The following EDARADD variants were observed in gnomAD, a reference collection of about 807,000 sequenced individuals.
EDARADD encodes EDAR associated via death domain.
A neutral mutation model predicts 25.6 loss-of-function variants in EDARADD; 20 were observed. The observed-to-expected ratio is 0.78, with a 90% CI of 0.55 to 1.14. EDARADD has a LOEUF of 1.14. Among genes scored for constraint, EDARADD ranks in the 50% most tolerant of loss-of-function variants. The pLI, the probability that EDARADD is intolerant of heterozygous loss-of-function variation, is 0.00. For synonymous variants in EDARADD, 86 were observed against 94.4 expected (o/e 0.91, Z 0.52); for missense variants, 225 against 270.1 (o/e 0.83, Z 1.17).
Position 236,395,477 on chromosome 1 carries a change from G to A in EDARADD, c.61+972G>A, listed in dbSNP as rs1182879378. On this transcript the variant is annotated intron_variant, in intron 1 of 5. Transcript: ENST00000334232. This position sits in a 1 kb window ranked among gnomAD's most constrained non-coding sequence, Gnocchi z 6.9. ...GAAGGAGGAGAAGAAGAAGGGAGGG[G>A]AAGGCGGAGGAGGGCAGGGGCGCGC... 2 of 1,505,640 alleles carry A rather than the reference G, an allele frequency of 1.3e-6. No individual in the cohort carries two copies. Among genetic ancestry groups the A allele is most frequent in the Admixed American group, 2.1e-5 (1 of 48,362 alleles). The allele number at this position is 1,505,640 out of a possible 1,614,324, so 93.3% of individuals were successfully genotyped here.
chr1:236,384,065 T>C lies in EDARADD; in HGVS notation c.-5-25151T>C, dbSNP rs149645794. ...TATATCGTGTAACTTCTGTAAAATA[T>C]TCTATTACATGAATGTGTTGTATCA... On this transcript the variant is annotated intron_variant, in intron 3 of 7. Transcript: ENST00000439430. Among the ~76,000 whole-genome samples the C allele has an allele frequency of 7.8e-3, 1,190 of 152,322 alleles. 19 individuals are homozygous for C. The highest frequency in any genetic ancestry group is 0.026 in the African/African-American group (1,088 of 41,560).
At position 236,417,628 on chromosome 1, in the gene EDARADD, G is replaced by A. The variant is rs557796679; in HGVS notation, c.160+3329G>A. Among the ~76,000 whole-genome samples the A allele has an allele frequency of 1.8e-3, 280 of 152,272 alleles. 3 individuals are homozygous for A. Among genetic ancestry groups the A allele is most frequent in the Non-Finnish European group, 5.3e-4 (36 of 68,028 alleles). ...TTTCTGATGGCTGTTCTGTGAGTCT[G>A]CGGGTACTAAGAACTGGTGAGATTG... On this transcript the variant is annotated intron_variant, in intron 3 of 5. Coordinates refer to ENST00000334232, the MANE Select transcript of EDARADD (RefSeq NM_145861.4).
intron 3 of EDARADD, among the ~76,000 whole-genome samples, chr1:236,353,408 G>A (rs1350753868): frequency 2.6e-5 from 4 of 152,146 alleles, no homozygotes; most frequent in Admixed American, 1.3e-4. Context: ...ACAGCCAGGC[G>A]CGGTGGCTCA....
intron 3 of EDARADD, among the ~76,000 whole-genome samples, chr1:236,376,092 G>A (rs2102994779): frequency 6.6e-6 from 1 of 151,848 alleles, no homozygotes; most frequent in East Asian, 2.0e-4. Context: ...GCACCACCAT[G>A]CCCAGCTAAT....
At chr1:236,441,284 A>T (rs1011745129) in intron 4 of EDARADD, among the ~76,000 whole-genome samples, 13 of 144,688 alleles carry the variant, frequency 9.0e-5, no homozygotes, top group African/African-American at 2.3e-4. Context: ...TATATATATT[A>T]TATATATATA....
At chr1:236,435,295 C>A (rs1658216831) in intron 4 of EDARADD, among the ~76,000 whole-genome samples, 1 of 152,238 alleles carries the variant, frequency 6.6e-6, no homozygotes, top group African/African-American at 2.4e-5. Flanking sequence ...GGCAACGATT[C>A]TTTCCTTCAT....
At chr1:236,397,719 C>T (rs945099321) in intron 1 of EDARADD, among the ~76,000 whole-genome samples, 1 of 152,102 alleles carries the variant, frequency 6.6e-6, no homozygotes, top group Non-Finnish European at 1.5e-5. Context: ...TGAGAGCTCC[C>T]CACCAGTTGG....
intron 1 of EDARADD, among the ~76,000 whole-genome samples, chr1:236,403,668 G>A (rs1381471824): frequency 6.6e-6 from 1 of 152,080 alleles, no homozygotes; most frequent in Non-Finnish European, 1.5e-5. Context: ...CACCACTCAC[G>A]GACTTTTAAA....
At chr1:236,365,757 T>C (rs604780) in intron 3 of EDARADD, among the ~76,000 whole-genome samples, 52,145 of 151,920 alleles carry the variant, frequency 0.34, 9,184 homozygotes, top group African/African-American at 0.42. Context: ...ATATGCTAAG[T>C]AGCTCTAAGT....
intron 4 of EDARADD, among the ~76,000 whole-genome samples, chr1:236,435,947 G>A (rs1380646546): frequency 6.6e-6 from 1 of 152,110 alleles, no homozygotes; most frequent in African/African-American, 2.4e-5. Flanking sequence ...CAAGATATAT[G>A]CACACATAAT....
Position 236,482,300 on chromosome 1 carries a change from G to A in EDARADD, c.299G>A (p.Cys100Tyr), listed in dbSNP as rs1346987104. Reference protein sequence around the residue: ...ISKDNSCKENCTCSSCLLRAP... With the variant: ...ISKDNSCKENYTCSSCLLRAP... ...AAGGACAACTCCTGCAAAGAAAACTGTACTTGTTCCTCCTGCTTGCTCCGG... is the reference window on the plus strand; with the variant it reads ...AAGGACAACTCCTGCAAAGAAAACTATACTTGTTCCTCCTGCTTGCTCCGG... The change falls in exon 6 of 6, where the codon TGT (cysteine) becomes TAT (tyrosine). Residue 100 changes from cysteine (C) to tyrosine (Y), a missense_variant. Coordinates refer to ENST00000334232, the MANE Select transcript of EDARADD (RefSeq NM_145861.4). 6.2e-7 allele frequency: 1 copy of A among 1,614,092 alleles called. No individual in the cohort carries two copies. The highest frequency in any genetic ancestry group is 1.3e-5 in the African/African-American group (1 of 75,016).
intron 3 of EDARADD, among the ~76,000 whole-genome samples, chr1:236,373,330 C>T (rs1005883376): frequency 2.2e-4 from 34 of 152,090 alleles, no homozygotes; most frequent in African/African-American, 7.5e-4. Context: ...CTCAGCCTCC[C>T]GAGTAGCTGG....
intron 1 of EDARADD, among the ~76,000 whole-genome samples, chr1:236,405,873 C>A (rs1667717647): frequency 1.7e-5 from 1 of 59,098 alleles, no homozygotes; most frequent in Non-Finnish European, 3.3e-5. Flanking sequence ...TTCCTTCCTT[C>A]CTTCTTTCTT....
chr1:236,462,769 T>C (rs1659072908), intron 4 of EDARADD, among the ~76,000 whole-genome samples: 1 of 152,244 alleles, frequency 6.6e-6, no homozygotes, highest in Non-Finnish European at 1.5e-5. Flanking sequence ...TAATACATTT[T>C]GCCCAAATAT....
rs796837556 is a variant in EDARADD, at chr1:236,431,948, A to G, written c.219+4498A>G. 3.1e-3 allele frequency among the ~76,000 whole-genome samples: 148 copies of G among 47,882 alleles called. 17 individuals are homozygous for G. The highest frequency in any genetic ancestry group is 5.6e-3 in the African/African-American group (138 of 24,744). The allele number at this position is 47,882 out of a possible 152,430, so 31.4% of individuals were successfully genotyped here. The stretch of plus-strand genomic sequence containing the variant: ...GTCTCAAAAAAAAAAAAAAAAAAAA[A>G]AAAAGACCCCAGGCAGACCTTATAG... On this transcript the variant is annotated intron_variant, in intron 4 of 5. Transcript: ENST00000334232.
chr1:236,456,175 G>T (rs921964244), intron 4 of EDARADD, among the ~76,000 whole-genome samples: 22 of 152,302 alleles, frequency 1.4e-4, no homozygotes, highest in African/African-American at 4.3e-4. Flanking sequence ...TCCGTCTCCT[G>T]AGTTCAAATC....
intron 3 of EDARADD, among the ~76,000 whole-genome samples, chr1:236,355,483 C>G (rs1226375109): frequency 7.1e-6 from 1 of 140,904 alleles, no homozygotes; most frequent in East Asian, 2.0e-4. Flanking sequence ...TCCACTCATT[C>G]TCTTCTGCTT....
intron 3 of EDARADD, among the ~76,000 whole-genome samples, chr1:236,381,801 CTTTT>C (rs71559949): frequency 2.4e-5 from 1 of 42,072 alleles, no homozygotes; most frequent in African/African-American, 1.1e-4. Flanking sequence ...CCTGTGGTTG[CTTTT>C]TTTTTTTTTT....
intron 4 of EDARADD, among the ~76,000 whole-genome samples, chr1:236,429,529 C>T (rs1658039976): frequency 1.3e-5 from 2 of 148,594 alleles, no homozygotes; most frequent in African/African-American, 4.9e-5. Context: ...AGGCGCCCGC[C>T]ACCATGACCC....
Sources: gnomAD v4.1 joint callset for allele counts (sites outside exome capture counted in the v4.1 genomes callset) on GRCh38, gnomAD v4.1.1 for gene constraint, Gnocchi (gnomAD v3.1) non-coding constraint, MANE v1.5 for transcripts, NCBI Gene and HGNC (gene_info 2026-07-23, HGNC 2026-07-21) for gene names.